RIT1: variants seen among roughly 807,000 people sequenced by gnomAD.
The protein encoded by RIT1 is Ras like without CAAX 1, also known as GTP-binding protein Rit1.
RIT1 carries 6 observed loss-of-function variants against 25.6 expected under a neutral mutation model. The ratio of observed to expected loss-of-function variants is 0.23; its 90% CI spans 0.13 to 0.46. The LOEUF (loss-of-function observed/expected upper bound fraction) is 0.46. RIT1 is among the 20% of genes least tolerant of loss of function. RIT1 has a pLI of 0.99. For missense variants in RIT1, 219 were observed against 284.4 expected, an observed-to-expected ratio of 0.77 and a Z score of 1.65; for synonymous variants, 81 against 94.1, an observed-to-expected ratio of 0.86 and a Z score of 0.80.
At chr1:155,900,825 CT>C (rs34137561) in intron 5 of RIT1, among the ~76,000 whole-genome samples, 6 of 149,318 alleles carry the variant, frequency 4.0e-5, no homozygotes, top group African/African-American at 7.3e-5. Context: ...TTCTAGTCTA[CT>C]TTTTTTTTTG....
chr1:155,908,363 G>A (rs912158348), intron 3 of RIT1, among the ~76,000 whole-genome samples: 1 of 151,320 alleles, frequency 6.6e-6, no homozygotes, highest in East Asian at 2.0e-4. Context: ...GCTGAGGCAG[G>A]AGAATGGCGT....
intron 4 of RIT1, 23 bp from the exon 5 acceptor site, chr1:155,904,525 A>G (rs370683922): frequency 2.5e-6 from 4 of 1,599,480 alleles, no homozygotes; most frequent in Middle Eastern, 1.7e-4. Context: ...AAGGGTCATT[A>G]TGTATTGACG....
chr1:155,900,723 G>A (rs560807420), intron 5 of RIT1, 105 bp from the exon 6 acceptor site: 3 of 900,086 alleles, frequency 3.3e-6, no homozygotes, highest in African/African-American at 3.4e-5. Flanking sequence ...CTCAATTCTG[G>A]AGGTGTTCAA....
intron 3 of RIT1, among the ~76,000 whole-genome samples, chr1:155,905,286 TC>T (rs1307033130): frequency 4.6e-5 from 7 of 152,068 alleles, no homozygotes; most frequent in Non-Finnish European, 8.8e-5. Context: ...AGCCTTGACT[TC>T]CCAGGCTCCA....
chr1:155,911,221 G>A (rs1673594590), intron 1 of RIT1, 22 bp downstream of exon 1: 3 of 310,690 alleles, frequency 9.7e-6, no homozygotes, highest in Admixed American at 7.7e-5. Context: ...CTGCTCCGCC[G>A]CCAGACTCCC....
chr1:155,903,452 CA>C (rs1192641376), intron 5 of RIT1, among the ~76,000 whole-genome samples: 146 of 53,730 alleles, frequency 2.7e-3, no homozygotes, highest in East Asian at 6.3e-3. Flanking sequence ...GACTCTGTCT[CA>C]AAAAAAAAAA....
intron 3 of RIT1, chr1:155,910,073 G>A (rs186312427): frequency 5.2e-6 from 1 of 193,918 alleles, no homozygotes; most frequent in African/African-American, 2.4e-5. Context: ...GGCTCTACTT[G>A]TTTCTCTGCT....
chr1:155,905,968 C>T (rs1673430051), intron 3 of RIT1, among the ~76,000 whole-genome samples: 1 of 152,054 alleles, frequency 6.6e-6, no homozygotes, highest in South Asian at 2.1e-4. Flanking sequence ...GCTGGGATTA[C>T]AGGCACATGC....
At position 155,898,531 on chromosome 1, in the gene RIT1, A is replaced by G. The variant is rs1359826940; in HGVS notation, c.*1857T>C. On this transcript the variant is annotated 3_prime_UTR_variant, in exon 6 of 6. Transcript: ENST00000368323. ...AAAAAAAAAAAAAATATATATATAT[A>G]TATATATATATATCTCTTAATGTTA... The G allele has an allele frequency of 4.0e-5, 5 of 125,014 alleles. No homozygotes were observed. The highest frequency in any genetic ancestry group is 1.2e-4 in the African/African-American group (4 of 33,646). The allele number at this position is 125,014 out of a possible 1,614,324, so 7.7% of individuals were successfully genotyped here. A position where few individuals can be genotyped will look rare whatever the true frequency, so the allele number is the denominator to read the frequency against.
intron 5 of RIT1, among the ~76,000 whole-genome samples, chr1:155,903,313 C>T (rs1468982444): frequency 1.3e-5 from 2 of 151,324 alleles, no homozygotes; most frequent in East Asian, 2.0e-4. Flanking sequence ...ATTAGCCGGG[C>T]GTGGTGGCAT....
chr1:155,910,377 T>A, intron 3 of RIT1, 73 bp downstream of exon 3: 1 of 1,298,032 alleles, frequency 7.7e-7, no homozygotes, highest in Non-Finnish European at 1.1e-6. Context: ...ATATAAATAG[T>A]TAGAAACTAC....
intron 3 of RIT1, among the ~76,000 whole-genome samples, chr1:155,906,422 G>A (rs957523812): frequency 6.6e-6 from 1 of 151,896 alleles, no homozygotes; most frequent in African/African-American, 2.4e-5. Context: ...TACTTAATGG[G>A]CCGGGACCAG....
intron 3 of RIT1, among the ~76,000 whole-genome samples, chr1:155,906,521 G>A (rs1673441416): frequency 6.6e-6 from 1 of 152,128 alleles, no homozygotes; most frequent in Non-Finnish European, 1.5e-5. Flanking sequence ...AGCACTTTGG[G>A]AGGCTGAGGC....
chr1:155,905,231 C>G (rs961421228), intron 3 of RIT1, among the ~76,000 whole-genome samples: 13 of 151,744 alleles, frequency 8.6e-5, no homozygotes, highest in Admixed American at 2.0e-4. Flanking sequence ...CAGGGTCTCA[C>G]TGTCACCCAG....
Position 155,911,288 on chromosome 1 carries a change from GA to G in RIT1, c.-90del. 1 of 238,564 alleles carries G rather than the reference GA, an allele frequency of 4.2e-6. No homozygotes were observed. The highest frequency in any genetic ancestry group is 1.1e-4 in the East Asian group (1 of 9,268). 14.8% of individuals were successfully genotyped at this position (238,564 alleles called of 1,614,324 possible). A position where few individuals can be genotyped will look rare whatever the true frequency, so the allele number is the denominator to read the frequency against. On this transcript the variant is annotated 5_prime_UTR_variant, in exon 1 of 6. Transcript: ENST00000368323. ...TGCTCCTACTGGTCAGTGGGGACTG[GA>G]ACACCACAGCCGGTCGGGTCACGCA...
In RIT1 at chr1:155,898,810, T is replaced by A. The variant is rs1270839341; in HGVS notation, c.*1578A>T. 1 of 190,810 alleles carries A rather than the reference T, an allele frequency of 5.2e-6. No individual in the cohort carries two copies. The highest frequency in any genetic ancestry group is 1.1e-5 in the Non-Finnish European group (1 of 91,336). 11.8% of individuals were successfully genotyped at this position (190,810 alleles called of 1,614,324 possible). ...TTGGTAACAAAAATGTTTCCAGGAG[T>A]TTAAAAAGGGACCACTACTCAGAGC... On this transcript the variant is annotated 3_prime_UTR_variant, in exon 6 of 6. Transcript: ENST00000368323.
intron 3 of RIT1, among the ~76,000 whole-genome samples, chr1:155,909,247 G>C (rs907725348): frequency 6.6e-6 from 1 of 151,664 alleles, no homozygotes; most frequent in Non-Finnish European, 1.5e-5. Context: ...GCTTGGTGGC[G>C]GGCGCCTGTA....
rs1334067802 is a variant in RIT1, at chr1:155,904,049, C to T, written c.429+262G>A. ...AACTAGCTGGGACCACATGTGCATG[C>T]ACCACTATGCCCAGCTATGTTTTTT... On this transcript the variant is annotated intron_variant, in intron 5 of 5. Transcript: ENST00000368323. Among the ~76,000 whole-genome samples the T allele has an allele frequency of 2.0e-5, 3 of 152,184 alleles. No individual in the cohort carries two copies. The East Asian group carries it at 5.8e-4, about 29-fold the overall frequency.
At chr1:155,906,135 A>G (rs980907679) in intron 3 of RIT1, among the ~76,000 whole-genome samples, 12 of 151,186 alleles carry the variant, frequency 7.9e-5, no homozygotes, top group Non-Finnish European at 1.5e-4. Flanking sequence ...GGTCTAACTG[A>G]CTATTTTCTA....
Sources: gnomAD v4.1 joint callset for allele counts (sites outside exome capture counted in the v4.1 genomes callset) on GRCh38, gnomAD v4.1.1 for gene constraint, MANE v1.5 for transcripts, NCBI Gene and HGNC (gene_info 2026-07-23, HGNC 2026-07-21) for gene names.